Variants in VAV1 observed in about 807,000 individuals in gnomAD.
The protein encoded by VAV1 is proto-oncogene vav.
In VAV1, 33 loss-of-function variants were observed where a neutral mutation model predicts 128.1. The observed-to-expected ratio is 0.26, with a 90% CI of 0.20 to 0.34. The LOEUF is 0.34. Among genes scored for constraint, VAV1 ranks in the 10% least tolerant of loss-of-function variants. The pLI, the probability that VAV1 is intolerant of heterozygous loss-of-function variation, is 1.00. For synonymous variants in VAV1, 394 were observed against 409.8 expected (o/e 0.96, Z 0.47); for missense variants, 715 against 1,093.7 (o/e 0.65, Z 4.88).
In VAV1 at chr19:6,857,108, G is replaced by C. The variant is rs1972822401; in HGVS notation, c.*1G>C. 1.2e-6 allele frequency: 2 copies of C among 1,613,976 alleles called. No homozygotes were observed. The highest frequency in any genetic ancestry group is 2.7e-5 in the African/African-American group (2 of 74,932). Reference sequence around the variant, plus strand: ...GGAAGATTATTCTGAATACTGCTGAGCCCTGGTGCCTTGGCAGAGAGACGA... The same window carrying C: ...GGAAGATTATTCTGAATACTGCTGACCCCTGGTGCCTTGGCAGAGAGACGA... On this transcript the variant is annotated 3_prime_UTR_variant, in exon 27 of 27. Transcript: ENST00000602142.
chr19:6,817,183 G>A (rs922083328), intron 1 of VAV1, among the ~76,000 whole-genome samples: 1 of 151,718 alleles, frequency 6.6e-6, no homozygotes, highest in South Asian at 2.1e-4. Context: ...AAGTAGCTGG[G>A]ATTACAGGTG....
Position 6,814,661 on chromosome 19 carries a change from TTCCTTC to T in VAV1, c.205-6040_205-6035del, listed in dbSNP as rs1568299101. Among the ~76,000 whole-genome samples, 159 of 74,340 alleles carry T rather than the reference TTCCTTC, an allele frequency of 2.1e-3. 1 individual carries two copies. The highest frequency in any genetic ancestry group is 0.012 in the African/African-American group (144 of 11,562). The allele number at this position is 74,340 out of a possible 152,430, so 48.8% of individuals were successfully genotyped here. ...TCTCCTTCCTTCCTTCCTTCCTTCC[TTCCTTC>T]CTTCCTTTCTTTCTTTCTTTCTTTC... is the stretch of plus-strand genomic sequence containing the variant. On this transcript the variant is annotated intron_variant, in intron 1 of 26. Coordinates refer to ENST00000602142, the MANE Select transcript of VAV1 (RefSeq NM_005428.4).
intron 1 of VAV1, among the ~76,000 whole-genome samples, chr19:6,802,229 T>C (rs1173995707): frequency 6.6e-6 from 1 of 151,952 alleles, no homozygotes. Flanking sequence ...TTAGGAGATA[T>C]ACCTAATGCT....
chr19:6,793,318 A>T (rs1398485423), intron 1 of VAV1, among the ~76,000 whole-genome samples: 1 of 151,882 alleles, frequency 6.6e-6, no homozygotes, highest in Admixed American at 6.6e-5. Flanking sequence ...TGGGTGACAG[A>T]GCGAGACTCC....
At chr19:6,824,686 C>T (rs1056469615) in intron 6 of VAV1, among the ~76,000 whole-genome samples, 8 of 152,114 alleles carry the variant, frequency 5.3e-5, no homozygotes, top group Non-Finnish European at 7.4e-5. Flanking sequence ...CATCTGCCAC[C>T]GTGCCCAGCT....
intron 22 of VAV1, among the ~76,000 whole-genome samples, chr19:6,846,024 TTA>T (rs1415343204): frequency 6.7e-6 from 1 of 148,850 alleles, no homozygotes; most frequent in Non-Finnish European, 1.5e-5. Context: ...TACATTTACA[TTA>T]TGTTAGGTGA....
chr19:6,828,462 T>A lies in VAV1; in HGVS notation c.1067T>A (p.Leu356Gln), dbSNP rs764359782. Residue 356 changes from leucine to glutamine, a missense_variant, in exon 11 of 27, where the codon CTG becomes CAG. Coordinates refer to ENST00000602142, the MANE Select transcript of VAV1 (RefSeq NM_005428.4). This position sits in a 1 kb window ranked among gnomAD's most constrained non-coding sequence, Gnocchi z 4.5. ...CAGGAGGCGATGGAGAAGGAGAACC[T>A]GCGGCTGGCCCTGGATGCCATGAGG... is the stretch of plus-strand genomic sequence containing the variant. Reference protein sequence around the residue: ...HTQEAMEKENLRLALDAMRDL... With the variant: ...HTQEAMEKENQRLALDAMRDL... The A allele has an allele frequency of 6.2e-7, 1 of 1,614,150 alleles. No individual in the cohort carries two copies. The highest frequency in any genetic ancestry group is 1.7e-5 in the Admixed American group (1 of 60,018).
At chr19:6,789,498 G>C (rs1467303870) in intron 1 of VAV1, among the ~76,000 whole-genome samples, 1 of 152,088 alleles carries the variant, frequency 6.6e-6, no homozygotes, top group Non-Finnish European at 1.5e-5. Context: ...TGATCCACCT[G>C]CCTTGGCCTC....
At chr19:6,794,820 G>A (rs1257934221) in intron 1 of VAV1, among the ~76,000 whole-genome samples, 1 of 152,170 alleles carries the variant, frequency 6.6e-6, no homozygotes, top group Non-Finnish European at 1.5e-5. Flanking sequence ...TATGACTCAG[G>A]AATTCAGACA....
At chr19:6,810,995 G>A (rs1971501914) in intron 1 of VAV1, among the ~76,000 whole-genome samples, 1 of 152,172 alleles carries the variant, frequency 6.6e-6, no homozygotes, top group South Asian at 2.1e-4. Flanking sequence ...ATCTGGAACG[G>A]AGGTACAGAC....
At chr19:6,818,484 G>A (rs994300080) in intron 1 of VAV1, among the ~76,000 whole-genome samples, 1 of 152,184 alleles carries the variant, frequency 6.6e-6, no homozygotes, top group African/African-American at 2.4e-5. Flanking sequence ...TGTTAGGCAA[G>A]ATCCTGCCTC....
At chr19:6,803,322 G>A (rs1001854923) in intron 1 of VAV1, among the ~76,000 whole-genome samples, 2 of 152,212 alleles carry the variant, frequency 1.3e-5, no homozygotes, top group Non-Finnish European at 2.9e-5. Flanking sequence ...TAGGAAAAGG[G>A]TGGTAACTTC....
At chr19:6,784,350 T>G (rs1970837887) in intron 1 of VAV1, 1 of 437,754 alleles carries the variant, frequency 2.3e-6, no homozygotes, top group Non-Finnish European at 4.1e-6. Flanking sequence ...CAGCTGGGGA[T>G]GAGGGAGCTG....
chr19:6,848,545 G>A (rs1972583535), intron 23 of VAV1, among the ~76,000 whole-genome samples: 1 of 151,092 alleles, frequency 6.6e-6, no homozygotes, highest in East Asian at 2.0e-4. Context: ...TGGGATTACA[G>A]GCGCCTGTGA....
chr19:6,790,768 A>G (rs1301259684), intron 1 of VAV1, among the ~76,000 whole-genome samples: 1 of 152,188 alleles, frequency 6.6e-6, no homozygotes, highest in Non-Finnish European at 1.5e-5. Flanking sequence ...ATCCCGTTTT[A>G]ATTATATGCA....
chr19:6,832,252 G>A (rs1410787890), intron 15 of VAV1, 52 bp downstream of exon 15: 1 of 1,574,350 alleles, frequency 6.4e-7, no homozygotes, highest in South Asian at 1.1e-5. Flanking sequence ...CAGGGGCTGG[G>A]AAGGAGGAAC....
At chr19:6,789,219 A>C (rs1270569239) in intron 1 of VAV1, among the ~76,000 whole-genome samples, 1 of 152,016 alleles carries the variant, frequency 6.6e-6, no homozygotes, top group Admixed American at 6.6e-5. Context: ...TCTTTGAATT[A>C]GAATATTTAT....
intron 24 of VAV1, among the ~76,000 whole-genome samples, 175 bp downstream of exon 24, chr19:6,850,932 A>G (rs371662587): frequency 6.6e-6 from 1 of 152,116 alleles, no homozygotes; most frequent in East Asian, 1.9e-4. Context: ...ATAATAATGA[A>G]TAACAGCAGT....
Position 6,828,055 on chromosome 19 carries a change from C to A in VAV1, c.928-21C>A, listed in dbSNP as rs766949121. The A allele has an allele frequency of 6.2e-7, 1 of 1,612,142 alleles. No individual in the cohort carries two copies. The highest frequency in any genetic ancestry group is 2.2e-5 in the East Asian group (1 of 44,860). ...TTTCTGGGACCTGCCTCAGTTTCCC[C>A]ATTGTTCTCTGATTCCCCAGGAATG... On this transcript the variant is annotated intron_variant, in intron 9 of 26. Transcript: ENST00000602142. This position sits in a 1 kb window ranked among gnomAD's most constrained non-coding sequence, Gnocchi z 4.5.
Sources: gnomAD v4.1 joint callset for allele counts (sites outside exome capture counted in the v4.1 genomes callset) on GRCh38, gnomAD v4.1.1 for gene constraint, Gnocchi (gnomAD v3.1) non-coding constraint, MANE v1.5 for transcripts, NCBI Gene and HGNC (gene_info 2026-07-23, HGNC 2026-07-21) for gene names.